The following SH3PXD2A variants were observed in gnomAD, a reference collection of about 807,000 sequenced individuals.
The protein encoded by SH3PXD2A is SH3 and PX domains 2A.
A neutral mutation model predicts 115.2 loss-of-function variants in SH3PXD2A; 32 were observed. The ratio of observed to expected loss-of-function variants is 0.28; its 90% confidence interval spans 0.21 to 0.37. SH3PXD2A has a LOEUF of 0.37. Ranked by LOEUF, SH3PXD2A falls within the 10% of genes least tolerant of loss-of-function variation. SH3PXD2A has a pLI of 1.00. For missense variants in SH3PXD2A, 1,328 were observed against 1,498.7 expected, an observed-to-expected ratio of 0.89 and a Z score of 1.88; for synonymous variants, 610 against 629.1, an observed-to-expected ratio of 0.97 and a Z score of 0.45.
intron 9 of SH3PXD2A, among the ~76,000 whole-genome samples, chr10:103,625,591 C>T (rs1442569208): frequency 6.6e-6 from 1 of 152,218 alleles, no homozygotes; most frequent in African/African-American, 2.4e-5. Context: ...CTGGCATGCC[C>T]TATAGAATGT....
chr10:103,628,945 A>G (rs1564848321), intron 8 of SH3PXD2A, among the ~76,000 whole-genome samples: 1 of 152,210 alleles, frequency 6.6e-6, no homozygotes, highest in Non-Finnish European at 1.5e-5. Context: ...TTATTTCATA[A>G]ACACGTACAT....
chr10:103,817,972 T>G (rs1354094209), intron 1 of SH3PXD2A, among the ~76,000 whole-genome samples: 1 of 152,174 alleles, frequency 6.6e-6, no homozygotes, highest in Non-Finnish European at 1.5e-5. Flanking sequence ...TCTGGGATGA[T>G]GAAAATGTTT....
chr10:103,800,651 C>G (rs1198227015), intron 2 of SH3PXD2A, among the ~76,000 whole-genome samples: 1 of 152,200 alleles, frequency 6.6e-6, no homozygotes, highest in Non-Finnish European at 1.5e-5. Flanking sequence ...CTATCACTTG[C>G]AACCCAAAGA....
intron 14 of SH3PXD2A, 143 bp downstream of exon 14, chr10:103,605,655 G>T: frequency 1.0e-6 from 1 of 990,010 alleles, no homozygotes; most frequent in Non-Finnish European, 1.5e-6. Flanking sequence ...CCAGGCAGAT[G>T]CTCATCTTTG....
At chr10:103,760,897 C>T (rs1256549453) in intron 3 of SH3PXD2A, among the ~76,000 whole-genome samples, 1 of 152,084 alleles carries the variant, frequency 6.6e-6, no homozygotes, top group Non-Finnish European at 1.5e-5. Context: ...AAGTTCCTTG[C>T]TTTGCAACAG....
At chr10:103,846,895 G>T (rs1842853033) in intron 1 of SH3PXD2A, among the ~76,000 whole-genome samples, 1 of 152,238 alleles carries the variant, frequency 6.6e-6, no homozygotes, top group South Asian at 2.1e-4. Flanking sequence ...CATCAGCTGC[G>T]TGGCATCTGG....
At chr10:103,678,120 G>T in intron 6 of SH3PXD2A, 3 of 1,289,018 alleles carry the variant, frequency 2.3e-6, no homozygotes, top group Non-Finnish European at 3.0e-6. Flanking sequence ...GACGCTACAG[G>T]AAACAGGAGC....
chr10:103,780,027 T>C (rs2038917285), intron 2 of SH3PXD2A, among the ~76,000 whole-genome samples: 1 of 152,236 alleles, frequency 6.6e-6, no homozygotes. Flanking sequence ...TTGATTCTTC[T>C]CATCCTCCAA....
intron 7 of SH3PXD2A, among the ~76,000 whole-genome samples, chr10:103,667,560 G>A (rs1357005668): frequency 6.6e-6 from 1 of 152,168 alleles, no homozygotes; most frequent in Non-Finnish European, 1.5e-5. Context: ...AACGCCCTCC[G>A]ACCCACTGCC....
chr10:103,676,960 G>C (rs961518697), intron 6 of SH3PXD2A, among the ~76,000 whole-genome samples: 1 of 152,064 alleles, frequency 6.6e-6, no homozygotes, highest in Non-Finnish European at 1.5e-5. Context: ...GCCAGTATTT[G>C]CGTTCACACA....
chr10:103,693,137 C>G (rs2037779948), intron 5 of SH3PXD2A, 81 bp from the exon 6 acceptor site: 2 of 1,253,416 alleles, frequency 1.6e-6, no homozygotes, highest in African/African-American at 1.5e-5. Flanking sequence ...CGCCCTCGGG[C>G]TGGCTGCGGT....
intron 1 of SH3PXD2A, among the ~76,000 whole-genome samples, chr10:103,848,100 A>G (rs1033758828): frequency 1.3e-5 from 2 of 152,134 alleles, no homozygotes; most frequent in Non-Finnish European, 2.9e-5. Flanking sequence ...CGCTCTTGCC[A>G]CTGGGGGAGT....
At chr10:103,831,818 C>T (rs915967372) in intron 1 of SH3PXD2A, among the ~76,000 whole-genome samples, 6 of 152,112 alleles carry the variant, frequency 3.9e-5, no homozygotes, top group African/African-American at 1.4e-4. Flanking sequence ...TTCTCCATTC[C>T]TCAATACTTC....
intron 1 of SH3PXD2A, among the ~76,000 whole-genome samples, chr10:103,831,269 A>C (rs1479198500): frequency 6.6e-6 from 1 of 152,212 alleles, no homozygotes; most frequent in African/African-American, 2.4e-5. Context: ...TTAACTGTAC[A>C]GAATTCCATC....
chr10:103,728,983 C>T (rs1417033195), intron 4 of SH3PXD2A, among the ~76,000 whole-genome samples: 6 of 151,610 alleles, frequency 4.0e-5, no homozygotes, highest in Non-Finnish European at 2.9e-5. Flanking sequence ...GCCTCCCCCT[C>T]GCCGGGTTCA....
chr10:103,828,156 T>C (rs1292186613), intron 1 of SH3PXD2A, among the ~76,000 whole-genome samples: 1 of 152,162 alleles, frequency 6.6e-6, no homozygotes, highest in African/African-American at 2.4e-5. Flanking sequence ...ATGGGGATGA[T>C]GGGTAGGTAG....
intron 6 of SH3PXD2A, 49 bp from the exon 7 acceptor site, chr10:103,668,701 GA>G (rs2134078066): frequency 5.9e-6 from 9 of 1,526,404 alleles, no homozygotes; most frequent in Non-Finnish European, 7.1e-6. Flanking sequence ...GAACCAGAGA[GA>G]GAGAACGGTT....
chr10:103,740,380 T>G (rs982973112), intron 3 of SH3PXD2A, among the ~76,000 whole-genome samples: 1 of 152,098 alleles, frequency 6.6e-6, no homozygotes, highest in African/African-American at 2.4e-5. Context: ...ACTTTGGATT[T>G]TATTCTGCAT....
intron 8 of SH3PXD2A, among the ~76,000 whole-genome samples, chr10:103,639,049 C>G (rs2036909517): frequency 6.6e-6 from 1 of 152,140 alleles, no homozygotes; most frequent in African/African-American, 2.4e-5. Flanking sequence ...AGCTGCAGAG[C>G]AGTGGATGGA....
Sources: gnomAD v4.1 joint callset for allele counts (sites outside exome capture counted in the v4.1 genomes callset) on GRCh38, gnomAD v4.1.1 for gene constraint, MANE v1.5 for transcripts, NCBI Gene and HGNC (gene_info 2026-07-23, HGNC 2026-07-21) for gene names.